RNF8: variants seen among roughly 807,000 people sequenced by gnomAD.
RNF8 encodes ring finger protein 8.
A neutral mutation model predicts 59.3 loss-of-function variants in RNF8; 8 were observed. The ratio of observed to expected loss-of-function variants is 0.13; its 90% confidence interval spans 0.08 to 0.24. The LOEUF is 0.24. RNF8 is among the 10% of genes least tolerant of loss of function. The pLI is 1.00. For missense variants in RNF8, 406 were observed against 572.6 expected (o/e 0.71, Z 2.97); for synonymous variants, 162 against 200.0 (o/e 0.81, Z 1.60).
intron 7 of RNF8, among the ~76,000 whole-genome samples, chr6:37,390,511 G>A (rs937576590): frequency 9.2e-5 from 14 of 152,144 alleles, no homozygotes; most frequent in African/African-American, 2.9e-4. Flanking sequence ...TGAGCAAGAC[G>A]CAGATTTTGT....
intron 2 of RNF8, among the ~76,000 whole-genome samples, chr6:37,364,226 G>T (rs1222816023): frequency 7.1e-6 from 1 of 141,474 alleles, no homozygotes; most frequent in Non-Finnish European, 1.5e-5. Context: ...AGACACAAAA[G>T]AATACATATT....
At chr6:37,374,879 A>G (rs1006276410) in intron 5 of RNF8, among the ~76,000 whole-genome samples, 170 bp downstream of exon 5, 1 of 152,208 alleles carries the variant, frequency 6.6e-6, no homozygotes, top group African/African-American at 2.4e-5. Flanking sequence ...TGCCTGTCAG[A>G]CAACATCTAT....
At chr6:37,354,388 A>G in intron 1 of RNF8, 113 bp downstream of exon 1, 2 of 840,920 alleles carry the variant, frequency 2.4e-6, no homozygotes, top group Non-Finnish European at 3.6e-6. Context: ...GGAGGCGGGC[A>G]TCAGGAAGAG....
At chr6:37,381,124 T>A in intron 6 of RNF8, 26 bp from the exon 7 acceptor site, 1 of 1,587,746 alleles carries the variant, frequency 6.3e-7, no homozygotes, top group Non-Finnish European at 8.6e-7. Context: ...AAAGTTCTGA[T>A]ATGTGTGTCC....
At position 37,357,170 on chromosome 6, in the gene RNF8, A is replaced by G. The variant is rs114926751; in HGVS notation, c.111+2895A>G. 7.6e-3 allele frequency among the ~76,000 whole-genome samples: 1,153 copies of G among 152,378 alleles called. 14 individuals carry two copies. The highest frequency in any genetic ancestry group is 0.023 in the African/African-American group (952 of 41,594). ...TGTAAGCTCAAAGGCTTGCAAAACT[A>G]TTGTAAATGAAAACAACCCCTCACA... On this transcript the variant is annotated intron_variant, in intron 1 of 7. Coordinates refer to ENST00000373479, the MANE Select transcript of RNF8 (RefSeq NM_003958.4).
Position 37,381,278 on chromosome 6 carries a change from T to C in RNF8, c.1365T>C (p.Asn455=). The change falls in exon 7 of 8, where the codon AAT becomes AAC. Residue 455 remains asparagine, a synonymous_variant. Coordinates refer to ENST00000373479, the MANE Select transcript of RNF8 (RefSeq NM_003958.4). ...AAACGTACTCTTTGGTTCTGGACAA[T>C]TGCATTAATAAGATGGTAAATAATC... ...KSKTYSLVLD[N]CINKMVNNLS... 3.1e-6 allele frequency: 5 copies of C among 1,614,132 alleles called. No homozygotes were observed. The highest frequency in any genetic ancestry group is 4.2e-6 in the Non-Finnish European group (5 of 1,180,016).
At chr6:37,357,212 G>A (rs1769153651) in intron 1 of RNF8, among the ~76,000 whole-genome samples, 1 of 152,196 alleles carries the variant, frequency 6.6e-6, no homozygotes, top group Admixed American at 6.5e-5. Context: ...TCGTCAGTCA[G>A]TTCCCACGGG....
At chr6:37,377,212 C>T (rs1011595495) in intron 6 of RNF8, among the ~76,000 whole-genome samples, 179 bp downstream of exon 6, 1 of 151,732 alleles carries the variant, frequency 6.6e-6, no homozygotes, top group African/African-American at 2.4e-5. Flanking sequence ...AGCTGGGTCC[C>T]TTACAGGCAC....
At chr6:37,376,892 C>A in intron 5 of RNF8, 34 bp from the exon 6 acceptor site, 1 of 1,509,840 alleles carries the variant, frequency 6.6e-7, no homozygotes, top group Non-Finnish European at 9.2e-7. Context: ...TTTGTTGGTT[C>A]TCTGAATGAC....
intron 2 of RNF8, among the ~76,000 whole-genome samples, chr6:37,364,597 C>T (rs1394172079): frequency 2.0e-5 from 3 of 152,156 alleles, no homozygotes; most frequent in Non-Finnish European, 4.4e-5. Context: ...ACTGGAACTC[C>T]TCAACATTCA....
intron 1 of RNF8, among the ~76,000 whole-genome samples, chr6:37,359,753 C>G (rs1769246115): frequency 6.6e-6 from 1 of 152,152 alleles, no homozygotes; most frequent in Admixed American, 6.5e-5. Flanking sequence ...TTATATGCTC[C>G]AGTGATAATA....
chr6:37,386,590 G>C (rs1431874768), intron 7 of RNF8, among the ~76,000 whole-genome samples: 1 of 152,174 alleles, frequency 6.6e-6, no homozygotes, highest in Non-Finnish European at 1.5e-5. Flanking sequence ...GGCTACAATA[G>C]CTTTAAATAC....
At position 37,360,358 on chromosome 6, in the gene RNF8, A is replaced by G; in HGVS notation, c.112-88A>G. 7.9e-6 allele frequency: 12 copies of G among 1,521,962 alleles called. No individual in the cohort carries two copies. Among genetic ancestry groups the G allele is most frequent in the African/African-American group, 1.4e-5 (1 of 72,474 alleles). The allele number at this position is 1,521,962 out of a possible 1,614,324, so 94.3% of individuals were successfully genotyped here. A position where few individuals can be genotyped will look rare whatever the true frequency, so the allele number is the denominator to read the frequency against. ...TCTGGTTTCTTAAGTCAGGACCTGC[A>G]TATGCTGCTGGTTGATGAGATTTGT... is the stretch of plus-strand genomic sequence containing the variant. On this transcript the variant is annotated intron_variant, in intron 1 of 7. Coordinates refer to ENST00000373479, the MANE Select transcript of RNF8 (RefSeq NM_003958.4). The surrounding 1 kb of genome is among the most constrained non-coding windows in gnomAD (Gnocchi z 4.2).
chr6:37,390,801 G>A lies in RNF8; in HGVS notation c.*43G>A, dbSNP rs1347781210. 1.9e-6 allele frequency: 3 copies of A among 1,614,124 alleles called. No homozygotes were observed. Among genetic ancestry groups the A allele is most frequent in the South Asian group, 2.2e-5 (2 of 91,076 alleles). ...CATTTGAAAGACTGCCAGGTAGTGC[G>A]AGCCTGAGATGGTCTGGAGGATTCT... On this transcript the variant is annotated 3_prime_UTR_variant, in exon 8 of 8. Coordinates refer to ENST00000373479, the MANE Select transcript of RNF8 (RefSeq NM_003958.4).
chr6:37,365,777 C>A (rs1394818275), intron 2 of RNF8, among the ~76,000 whole-genome samples: 1 of 150,846 alleles, frequency 6.6e-6, no homozygotes, highest in Non-Finnish European at 1.5e-5. Context: ...TTATGAAAAC[C>A]AACATTAAGA....
chr6:37,371,241 A>G (rs761737), intron 3 of RNF8, among the ~76,000 whole-genome samples: 57,875 of 152,092 alleles, frequency 0.38, 13,101 homozygotes, highest in East Asian at 0.68. Context: ...TCCATGAAGG[A>G]GGCTTGGACT....
intron 6 of RNF8, among the ~76,000 whole-genome samples, chr6:37,378,830 C>G (rs561743818): frequency 5.5e-4 from 83 of 152,034 alleles, no homozygotes; most frequent in African/African-American, 1.9e-3. Flanking sequence ...GGCTTATGGA[C>G]TCTATAAGAG....
intron 6 of RNF8, among the ~76,000 whole-genome samples, chr6:37,380,665 C>T (rs752116436): frequency 1.5e-4 from 21 of 143,632 alleles, no homozygotes; most frequent in African/African-American, 4.1e-4. Context: ...AGTGAGACTC[C>T]GTCTCAAAAA....
At chr6:37,389,580 T>G (rs1284966653) in intron 7 of RNF8, among the ~76,000 whole-genome samples, 2 of 151,896 alleles carry the variant, frequency 1.3e-5, no homozygotes, top group Admixed American at 6.6e-5. Flanking sequence ...AAAGCCAAGA[T>G]AGCAGGTAGG....
Sources: allele counts gnomAD v4.1 joint callset (sites outside exome capture counted in the v4.1 genomes callset), GRCh38; gene constraint gnomAD v4.1.1; non-coding constraint Gnocchi (gnomAD v3.1); transcripts MANE v1.5; gene names NCBI Gene and HGNC (gene_info 2026-07-23, HGNC 2026-07-21).